The following HEMK2 variants were observed in gnomAD, a reference collection of about 807,000 sequenced individuals.
HEMK2 encodes the protein methyltransferase HEMK2.
the HEMK2 span, among the ~76,000 whole-genome samples, chr21:28,860,675 C>CTA: frequency 8.4e-3 from 1,279 of 151,654 alleles, 14 homozygotes; most frequent in African/African-American, 0.029. Flanking sequence ...AGAGCTGAAA[C>CTA]TGAAAAAACA....
chr21:28,698,834 T>C, the HEMK2 span, among the ~76,000 whole-genome samples: 1 of 152,202 alleles, frequency 6.6e-6, no homozygotes, highest in African/African-American at 2.4e-5. Context: ...GATTAGATAT[T>C]TTCCCTGACT....
At chr21:28,642,587 T>G in the HEMK2 span, among the ~76,000 whole-genome samples, 1 of 152,172 alleles carries the variant, frequency 6.6e-6, no homozygotes, top group South Asian at 2.1e-4. Context: ...AGGGTTCTTG[T>G]CTGGTGTCCA....
the HEMK2 span, among the ~76,000 whole-genome samples, chr21:28,756,554 C>A: frequency 6.6e-6 from 1 of 152,160 alleles, no homozygotes; most frequent in African/African-American, 2.4e-5. Context: ...TGTATCATTT[C>A]ACTTGATTCT....
chr21:28,649,274 G>T, the HEMK2 span, among the ~76,000 whole-genome samples: 5 of 152,124 alleles, frequency 3.3e-5, no homozygotes, highest in African/African-American at 1.2e-4. Context: ...AAGTAGAATA[G>T]AATGTTCACA....
chr21:28,806,356 A>T, the HEMK2 span, among the ~76,000 whole-genome samples: 1 of 152,244 alleles, frequency 6.6e-6, no homozygotes, highest in South Asian at 2.1e-4. Context: ...CATGACTGTA[A>T]CTTAAGGATA....
chr21:28,767,226 C>A, the HEMK2 span, among the ~76,000 whole-genome samples: 1 of 152,000 alleles, frequency 6.6e-6, no homozygotes, highest in Non-Finnish European at 1.5e-5. Context: ...GCTTCCCCAG[C>A]CACATGGAAC....
At chr21:28,695,870 GC>G in the HEMK2 span, among the ~76,000 whole-genome samples, 144 of 152,176 alleles carry the variant, frequency 9.5e-4, 3 homozygotes, top group East Asian at 0.025. Context: ...CCACCTATGA[GC>G]CTGTAAAATC....
At chr21:28,852,801 G>A in the HEMK2 span, among the ~76,000 whole-genome samples, 1 of 152,150 alleles carries the variant, frequency 6.6e-6, no homozygotes, top group East Asian at 1.9e-4. Context: ...TAAGAATGCA[G>A]TAGGCTTCGT....
the HEMK2 span, among the ~76,000 whole-genome samples, chr21:28,617,316 C>T: frequency 6.6e-6 from 1 of 152,256 alleles, no homozygotes; most frequent in African/African-American, 2.4e-5. Context: ...GAGAACAGTG[C>T]AAAATGAGAC....
At chr21:28,877,623 G>C in the HEMK2 span, among the ~76,000 whole-genome samples, 2 of 145,880 alleles carry the variant, frequency 1.4e-5, no homozygotes, top group Admixed American at 1.4e-4. Context: ...AAAGAGAAAA[G>C]AGAGAAATAG....
chr21:28,876,423 G>A, the HEMK2 span: 1 of 1,611,362 alleles, frequency 6.2e-7, no homozygotes, highest in Non-Finnish European at 8.5e-7. Context: ...AGAGTTTCTT[G>A]GCCTGCTTGT....
chr21:28,728,996 A>T, the HEMK2 span, among the ~76,000 whole-genome samples: 4,210 of 152,300 alleles, frequency 0.028, 210 homozygotes, highest in African/African-American at 0.097. Context: ...CATGGCCAGG[A>T]ACACTGAAGC....
the HEMK2 span, among the ~76,000 whole-genome samples, chr21:28,662,892 C>T: frequency 6.6e-6 from 1 of 152,096 alleles, no homozygotes; most frequent in Non-Finnish European, 1.5e-5. Context: ...GATACACCGA[C>T]ATACTCTCTT....
At chr21:28,670,609 A>G in the HEMK2 span, among the ~76,000 whole-genome samples, 1 of 152,238 alleles carries the variant, frequency 6.6e-6, no homozygotes, top group Non-Finnish European at 1.5e-5. Flanking sequence ...AAGTATTGTC[A>G]GAGCTCTGTC....
At chr21:28,849,752 A>C in the HEMK2 span, among the ~76,000 whole-genome samples, 2 of 152,330 alleles carry the variant, frequency 1.3e-5, no homozygotes, top group South Asian at 2.1e-4. Flanking sequence ...CAGCAGAATA[A>C]AACAAGCTGA....
chr21:28,635,439 A>G, the HEMK2 span, among the ~76,000 whole-genome samples: 184 of 152,266 alleles, frequency 1.2e-3, 5 homozygotes, highest in South Asian at 0.022. Context: ...TGGCACTTAA[A>G]TCAAAGGAAG....
At chr21:28,859,529 T>G in the HEMK2 span, among the ~76,000 whole-genome samples, 3 of 152,216 alleles carry the variant, frequency 2.0e-5, no homozygotes, top group Non-Finnish European at 4.4e-5. Flanking sequence ...TTAAGTGTGG[T>G]TACTTTTTTT....
At chr21:28,839,788 C>T in the HEMK2 span, among the ~76,000 whole-genome samples, 1 of 152,138 alleles carries the variant, frequency 6.6e-6, no homozygotes, top group Non-Finnish European at 1.5e-5. Context: ...AATGACCATA[C>T]TGCCAAGAGC....
chr21:28,658,784 G>C, the HEMK2 span, among the ~76,000 whole-genome samples: 1 of 152,020 alleles, frequency 6.6e-6, no homozygotes, highest in Non-Finnish European at 1.5e-5. Context: ...TTAATGTTAA[G>C]GCACATCTTG....
Sources: allele counts gnomAD v4.1 joint callset (sites outside exome capture counted in the v4.1 genomes callset), GRCh38; gene constraint gnomAD v4.1.1; transcripts MANE v1.5; gene names NCBI Gene and HGNC (gene_info 2026-07-23, HGNC 2026-07-21).